Variants in KCNT2 observed in about 807,000 individuals in gnomAD.
The protein encoded by KCNT2 is potassium sodium-activated channel subfamily T member 2.
In KCNT2, 67 loss-of-function variants were observed where a neutral mutation model predicts 153.8. That is an observed-to-expected ratio of 0.44 (90% confidence interval 0.36 to 0.53). KCNT2 has a LOEUF of 0.53. KCNT2 is among the 20% of genes least tolerant of loss of function. KCNT2 has a pLI of 0.00. For missense variants in KCNT2, 975 were observed against 1,354.8 expected (o/e 0.72, Z 4.40); for synonymous variants, 500 against 458.8 (o/e 1.09, Z -1.15).
intron 13 of KCNT2, among the ~76,000 whole-genome samples, chr1:196,379,433 G>A (rs779468320): frequency 3.9e-5 from 6 of 152,122 alleles, no homozygotes; most frequent in South Asian, 2.1e-4. Context: ...TTAGCCAGGC[G>A]TGGTTGTGCA....
chr1:196,597,480 G>A (rs1053486440), intron 1 of KCNT2, among the ~76,000 whole-genome samples: 1 of 151,824 alleles, frequency 6.6e-6, no homozygotes, highest in Non-Finnish European at 1.5e-5. Context: ...CAGGGAGTGA[G>A]AATGTTATGA....
rs1408760603 is a variant in KCNT2, at chr1:196,428,271, TG to T, written c.820-3del. 1.2e-6 allele frequency: 2 copies of T among 1,608,024 alleles called. No homozygotes were observed. Among genetic ancestry groups the T allele is most frequent in the South Asian group, 2.2e-5 (2 of 90,838 alleles). ...CCACAAATAAGCCAGCTGTTCAAAC[TG>T]TAATATATTTTCCACATGTGAATGA... On this transcript the variant is annotated splice_region_variant and splice_polypyrimidine_tract_variant and intron_variant, in intron 9 of 27. Coordinates refer to ENST00000294725, the MANE Select transcript of KCNT2 (RefSeq NM_198503.5).
intron 1 of KCNT2, among the ~76,000 whole-genome samples, chr1:196,592,654 T>A: frequency 6.8e-6 from 1 of 146,924 alleles, no homozygotes; most frequent in East Asian, 2.0e-4. Context: ...GAAATACATA[T>A]ATATGTCTAT....
At chr1:196,380,143 A>G (rs920501388) in intron 13 of KCNT2, among the ~76,000 whole-genome samples, 7 of 152,192 alleles carry the variant, frequency 4.6e-5, no homozygotes, top group Non-Finnish European at 1.0e-4. Flanking sequence ...GTGTGTCTGG[A>G]TATGCACAGA....
intron 1 of KCNT2, among the ~76,000 whole-genome samples, chr1:196,549,865 A>G (rs1657656753): frequency 6.6e-6 from 1 of 151,942 alleles, no homozygotes; most frequent in Non-Finnish European, 1.5e-5. Flanking sequence ...TGCAAGAAGG[A>G]AAGAGTTCAG....
chr1:196,280,772 C>T, intron 25 of KCNT2, 88 bp downstream of exon 25: 1 of 1,255,904 alleles, frequency 8.0e-7, no homozygotes, highest in Non-Finnish European at 1.1e-6. Context: ...CTTTCTCTTG[C>T]ATTTTTTATA....
At chr1:196,505,359 T>TA (rs1309907949) in intron 1 of KCNT2, among the ~76,000 whole-genome samples, 1 of 152,192 alleles carries the variant, frequency 6.6e-6, no homozygotes. Flanking sequence ...CCCCATTGCT[T>TA]GTTTTCTCAG....
intron 1 of KCNT2, among the ~76,000 whole-genome samples, chr1:196,600,968 G>A (rs1392353806): frequency 6.6e-6 from 1 of 152,126 alleles, no homozygotes; most frequent in Non-Finnish European, 1.5e-5. Flanking sequence ...TTGTGTCAGT[G>A]CTCCAGGCCC....
At position 196,228,305 on chromosome 1, in the gene KCNT2, G is replaced by A; in HGVS notation, c.3327C>T (p.Tyr1109=). ...TTCGACTGGGCTCACTGTTTGGAAG[G>A]TAGGCCAGTGGATCTGGTCGAATTA... ...VYLIRPDPLA[Y]LPNSEPSRRN... Residue 1109 remains tyrosine (Y), a synonymous_variant, in exon 28 of 28, where the codon TAC becomes TAT. Transcript: ENST00000294725. 1 of 1,608,314 alleles carries A rather than the reference G, an allele frequency of 6.2e-7. No individual in the cohort carries two copies. The highest frequency in any genetic ancestry group is 2.2e-5 in the East Asian group (1 of 44,662).
At chr1:196,382,927 G>T (rs972905811) in intron 13 of KCNT2, among the ~76,000 whole-genome samples, 4 of 151,808 alleles carry the variant, frequency 2.6e-5, no homozygotes, top group Non-Finnish European at 5.9e-5. Flanking sequence ...GCCAGTCAAG[G>T]AGTGAAAAAA....
chr1:196,569,993 A>G (rs1251092214), intron 1 of KCNT2, among the ~76,000 whole-genome samples: 1 of 151,412 alleles, frequency 6.6e-6, no homozygotes, highest in Non-Finnish European at 1.5e-5. Context: ...CTCAAGGGCT[A>G]CAGGAAACTT....
At chr1:196,357,870 T>A (rs1667298784) in intron 14 of KCNT2, among the ~76,000 whole-genome samples, 1 of 151,928 alleles carries the variant, frequency 6.6e-6, no homozygotes, top group Non-Finnish European at 1.5e-5. Context: ...CAATGGGTAG[T>A]CTTGTCTAAA....
chr1:196,436,722 A>G (rs372879836), intron 8 of KCNT2, among the ~76,000 whole-genome samples: 13 of 151,268 alleles, frequency 8.6e-5, no homozygotes, highest in East Asian at 7.8e-4. Flanking sequence ...AATAATTTTA[A>G]TGATAGGCAG....
intron 19 of KCNT2, among the ~76,000 whole-genome samples, chr1:196,325,611 A>C (rs1663769389): frequency 2.0e-5 from 3 of 152,250 alleles, no homozygotes; most frequent in Middle Eastern, 3.4e-3. Flanking sequence ...TTGTTTTAAC[A>C]AACTTTTATT....
At chr1:196,327,977 A>G (rs1181760645) in intron 18 of KCNT2, among the ~76,000 whole-genome samples, 1 of 152,164 alleles carries the variant, frequency 6.6e-6, no homozygotes, top group African/African-American at 2.4e-5. Flanking sequence ...GAATAAAAAA[A>G]TTACAAAACA....
At chr1:196,423,989 C>T (rs1285473822) in intron 11 of KCNT2, among the ~76,000 whole-genome samples, 1 of 151,782 alleles carries the variant, frequency 6.6e-6, no homozygotes, top group Non-Finnish European at 1.5e-5. Flanking sequence ...TATATTAAAT[C>T]CCAAATATTT....
intron 1 of KCNT2, among the ~76,000 whole-genome samples, chr1:196,515,520 A>G (rs1052695186): frequency 6.6e-6 from 1 of 152,246 alleles, no homozygotes; most frequent in African/African-American, 2.4e-5. Context: ...GAAAAAGTTG[A>G]TATGAAATTA....
chr1:196,390,002 T>G (rs549615260), intron 13 of KCNT2, among the ~76,000 whole-genome samples: 2 of 151,714 alleles, frequency 1.3e-5, no homozygotes, highest in Admixed American at 1.3e-4. Context: ...TTTTAGAGTT[T>G]CATTTTGTAC....
Position 196,583,713 on chromosome 1 carries a change from G to GA in KCNT2, c.95+24501dup, listed in dbSNP as rs199943738. Among the ~76,000 whole-genome samples, 44 of 146,924 alleles carry GA rather than the reference G, an allele frequency of 3.0e-4. 1 individual carries two copies. The highest frequency in any genetic ancestry group is 2.0e-3 in the Admixed American group (29 of 14,706). ...GTTTCAAGAAAGAGGAGGAGAATCA[G>GA]AAAAAAAAAATTGTTCATTGGACCT... On this transcript the variant is annotated intron_variant, in intron 1 of 27. Coordinates refer to ENST00000294725, the MANE Select transcript of KCNT2 (RefSeq NM_198503.5).
Sources: gnomAD v4.1 joint callset for allele counts (sites outside exome capture counted in the v4.1 genomes callset) on GRCh38, gnomAD v4.1.1 for gene constraint, MANE v1.5 for transcripts, NCBI Gene and HGNC (gene_info 2026-07-23, HGNC 2026-07-21) for gene names.